The following RAI14 variants were observed in gnomAD, a reference collection of about 807,000 sequenced individuals.
RAI14 encodes the protein retinoic acid induced 14.
RAI14 carries 45 observed loss-of-function variants against 115.4 expected under a neutral mutation model. The ratio of observed to expected loss-of-function variants is 0.39; its 90% CI spans 0.31 to 0.50. The LOEUF is 0.50. Ranked by LOEUF, RAI14 falls within the 20% of genes least tolerant of loss-of-function variation. The probability of loss-of-function intolerance (pLI) is 0.85; values close to 1 mark genes in which losing one functional copy is unlikely to be tolerated. For synonymous variants in RAI14, 371 were observed against 415.4 expected (o/e 0.89, Z 1.30); for missense variants, 939 against 1,131.2 (o/e 0.83, Z 2.44).
intron 2 of RAI14, 102 bp downstream of exon 2, chr5:34,687,057 A>G (rs780784016): frequency 1.6e-5 from 20 of 1,279,226 alleles, no homozygotes; most frequent in Middle Eastern, 2.4e-4. Context: ...TTAATAAACT[A>G]CAGACACTCA....
chr5:34,830,795 TGTC>T lies in RAI14; in HGVS notation c.*31_*33del. On this transcript the variant is annotated 3_prime_UTR_variant, in exon 18 of 18. Transcript: ENST00000265109. ...GATTCCTTGGCAGGACACTGCCCCT[TGTC>T]ATCTGTCTTTGTGTTAGATCCAGAG... 1 of 1,613,208 alleles carries T rather than the reference TGTC, an allele frequency of 6.2e-7. No homozygotes were observed. Among genetic ancestry groups the T allele is most frequent in the South Asian group, 1.1e-5 (1 of 90,938 alleles).
rs1744949077 is a variant in RAI14 at position 34,686,891 on chromosome 5, A to G, written c.-29A>G. Reference sequence around the variant, plus strand: ...GCTTAGGTGTTGAAAAGTCTCCTCTAGAGCTTTGGAAGGCTGAATGCACTA... The same window carrying G: ...GCTTAGGTGTTGAAAAGTCTCCTCTGGAGCTTTGGAAGGCTGAATGCACTA... On this transcript the variant is annotated 5_prime_UTR_variant, in exon 2 of 18. Transcript: ENST00000265109. 6.2e-7 allele frequency: 1 copy of G among 1,611,958 alleles called. No homozygotes were observed. Among genetic ancestry groups the G allele is most frequent in the Non-Finnish European group, 8.5e-7 (1 of 1,178,594 alleles).
chr5:34,749,804 G>A (rs898722741), intron 2 of RAI14, among the ~76,000 whole-genome samples: 1 of 152,176 alleles, frequency 6.6e-6, no homozygotes, highest in Non-Finnish European at 1.5e-5. Flanking sequence ...TCCTGAACTT[G>A]CAAGTATGGC....
At chr5:34,733,879 C>G (rs1218869881) in intron 2 of RAI14, among the ~76,000 whole-genome samples, 1 of 152,208 alleles carries the variant, frequency 6.6e-6, no homozygotes, top group African/African-American at 2.4e-5. Context: ...ACTCTTCCTG[C>G]TGCCCTCCTA....
At chr5:34,811,999 C>T (rs988233753) in intron 9 of RAI14, 54 bp downstream of exon 9, 1 of 1,458,110 alleles carries the variant, frequency 6.9e-7, no homozygotes, top group African/African-American at 1.4e-5. Context: ...TCCATTTTCC[C>T]CAAAGGATAA....
chr5:34,757,044 G>A (rs1366698894), intron 2 of RAI14, among the ~76,000 whole-genome samples: 6 of 152,174 alleles, frequency 3.9e-5, no homozygotes, highest in Admixed American at 3.3e-4. Context: ...TAAACCTCGG[G>A]TAACCTTGAG....
chr5:34,722,322 G>A (rs72730543), intron 2 of RAI14, among the ~76,000 whole-genome samples: 4,882 of 150,614 alleles, frequency 0.032, 112 homozygotes, highest in South Asian at 0.069. Flanking sequence ...CACAAGGGAT[G>A]TACATGCACA....
chr5:34,805,576 AC>A (rs1213290387), intron 5 of RAI14, among the ~76,000 whole-genome samples: 1 of 152,202 alleles, frequency 6.6e-6, no homozygotes, highest in Admixed American at 6.5e-5. Context: ...GCAGTGGCTC[AC>A]GCCTGTAATC....
chr5:34,720,390 C>T (rs917799516), intron 2 of RAI14, among the ~76,000 whole-genome samples: 5 of 149,234 alleles, frequency 3.4e-5, no homozygotes, highest in African/African-American at 1.2e-4. Context: ...CATTCTATGA[C>T]CCTGTCTCAG....
intron 2 of RAI14, among the ~76,000 whole-genome samples, chr5:34,723,911 A>G (rs764886679): frequency 1.3e-5 from 2 of 152,228 alleles, no homozygotes. Context: ...TACTCATGCT[A>G]GGAAATTGCT....
intron 2 of RAI14, among the ~76,000 whole-genome samples, chr5:34,746,138 C>T (rs1367085713): frequency 8.8e-5 from 11 of 125,528 alleles, no homozygotes; most frequent in Admixed American, 3.0e-4. Flanking sequence ...TGGAATCTCG[C>T]TCTGTCGCCC....
intron 2 of RAI14, among the ~76,000 whole-genome samples, chr5:34,716,621 C>G (rs185192570): frequency 6.6e-6 from 1 of 152,158 alleles, no homozygotes; most frequent in East Asian, 1.9e-4. Flanking sequence ...CCATGTTGGT[C>G]AGGTTGGTCT....
chr5:34,776,907 G>A (rs1393991528), intron 3 of RAI14, among the ~76,000 whole-genome samples: 2 of 151,894 alleles, frequency 1.3e-5, no homozygotes, highest in Non-Finnish European at 2.9e-5. Context: ...AGTGGCTCAT[G>A]CCTGTAATCC....
In RAI14 at chr5:34,657,189, C is replaced by T. The variant is rs377763423; in HGVS notation, c.-49+714C>T. 14 of 143,474 alleles carry T rather than the reference C, an allele frequency of 9.8e-5. No individual in the cohort carries two copies. In the East Asian group the frequency reaches 1.9e-3, roughly 19 times the overall value. The allele number at this position is 143,474 out of a possible 1,614,324, so 8.9% of individuals were successfully genotyped here. A position where few individuals can be genotyped will look rare whatever the true frequency, so the allele number is the denominator to read the frequency against. The stretch of plus-strand genomic sequence containing the variant: ...GCCGGGACTTCGGGAGTAAGGAGGA[C>T]GTGGAGCCACCAGAAAGGCGCCCGC... On this transcript the variant is annotated intron_variant, in intron 1 of 17. Coordinates refer to ENST00000265109, the MANE Select transcript of RAI14 (RefSeq NM_015577.3).
At chr5:34,682,843 T>C (rs1379240697) in intron 1 of RAI14, among the ~76,000 whole-genome samples, 7 of 152,246 alleles carry the variant, frequency 4.6e-5, no homozygotes, top group African/African-American at 1.4e-4. Flanking sequence ...AATTCAGCTT[T>C]GCTGTATTTC....
At chr5:34,660,953 A>G (rs1742645156) in intron 1 of RAI14, among the ~76,000 whole-genome samples, 2 of 152,020 alleles carry the variant, frequency 1.3e-5, no homozygotes, top group South Asian at 4.2e-4. Context: ...TCATCCCTTC[A>G]GGTGTTATGT....
At chr5:34,704,520 T>G (rs1740448787) in intron 2 of RAI14, among the ~76,000 whole-genome samples, 2 of 152,234 alleles carry the variant, frequency 1.3e-5, no homozygotes. Flanking sequence ...CCCGCTGACG[T>G]TCTGTTTCCT....
chr5:34,727,461 A>G (rs944233777), intron 2 of RAI14, among the ~76,000 whole-genome samples: 4 of 152,236 alleles, frequency 2.6e-5, no homozygotes, highest in Admixed American at 2.0e-4. Context: ...TTAATCACCA[A>G]GTCAATGGGG....
chr5:34,820,893 G>A (rs1756754462), intron 13 of RAI14, among the ~76,000 whole-genome samples: 1 of 152,166 alleles, frequency 6.6e-6, no homozygotes, highest in Admixed American at 6.5e-5. Flanking sequence ...TTCATGCTAG[G>A]GTGGTCTTTG....
Sources: allele counts gnomAD v4.1 joint callset (sites outside exome capture counted in the v4.1 genomes callset), GRCh38; gene constraint gnomAD v4.1.1; transcripts MANE v1.5; gene names NCBI Gene and HGNC (gene_info 2026-07-23, HGNC 2026-07-21).